OR4N2: variants seen among roughly 807,000 people sequenced by gnomAD.
OR4N2 encodes olfactory receptor family 4 subfamily N member 2.
For missense variants in OR4N2, 307 were observed against 377.6 expected, an observed-to-expected ratio of 0.81 and a Z score of 1.55; for synonymous variants, 141 against 140.4, an observed-to-expected ratio of 1.00 and a Z score of -0.03.
chr14:19,807,259 C>G (rs1399189497), intron 1 of OR4N2, among the ~76,000 whole-genome samples: 1 of 150,860 alleles, frequency 6.6e-6, no homozygotes, highest in Non-Finnish European at 1.5e-5. Flanking sequence ...AATTGAGATG[C>G]AAAAATACGT....
At chr14:19,821,079 C>T (rs1043147776) in intron 1 of OR4N2, among the ~76,000 whole-genome samples, 2 of 152,268 alleles carry the variant, frequency 1.3e-5, no homozygotes, top group African/African-American at 2.4e-5. Flanking sequence ...GAGGGAATCT[C>T]CTGGTCTGCA....
At chr14:19,809,834 T>C (rs1406335941) in intron 1 of OR4N2, among the ~76,000 whole-genome samples, 1 of 152,240 alleles carries the variant, frequency 6.6e-6, no homozygotes, top group African/African-American at 2.4e-5. Context: ...TCTTATACCA[T>C]ATACAAAAAT....
intron 1 of OR4N2, among the ~76,000 whole-genome samples, chr14:19,825,138 T>A (rs562765243): frequency 6.6e-6 from 1 of 152,278 alleles, no homozygotes; most frequent in Non-Finnish European, 1.5e-5. Flanking sequence ...TTTGTGTGTG[T>A]TTGTATGTAT....
At chr14:19,826,458 C>A (rs1879702764) in intron 1 of OR4N2, among the ~76,000 whole-genome samples, 1 of 152,146 alleles carries the variant, frequency 6.6e-6, no homozygotes, top group South Asian at 2.1e-4. Flanking sequence ...TCAAGCAGAG[C>A]AAAAAATAAA....
chr14:19,812,504 G>T (rs1466149362), intron 1 of OR4N2, among the ~76,000 whole-genome samples: 15 of 122,504 alleles, frequency 1.2e-4, no homozygotes, highest in Admixed American at 9.3e-4. Flanking sequence ...TAATTTTTTT[G>T]TTTGTTTGTT....
At chr14:19,815,655 G>GTTTT (rs59019427) in intron 1 of OR4N2, among the ~76,000 whole-genome samples, 3 of 138,516 alleles carry the variant, frequency 2.2e-5, no homozygotes, top group Non-Finnish European at 3.1e-5. Flanking sequence ...GTTTTTTTTT[G>GTTTT]TTTTTTTTTT....
chr14:19,822,983 C>A (rs533404225), intron 1 of OR4N2, among the ~76,000 whole-genome samples: 395 of 152,160 alleles, frequency 2.6e-3, no homozygotes, highest in Middle Eastern at 0.014. Context: ...GCCTAAAAAA[C>A]TGGCATTCAA....
Sources: allele counts gnomAD v4.1 joint callset (sites outside exome capture counted in the v4.1 genomes callset), GRCh38; gene constraint gnomAD v4.1.1; transcripts MANE v1.5; gene names NCBI Gene and HGNC (gene_info 2026-07-23, HGNC 2026-07-21).